The following RAD51B variants were observed in gnomAD, a reference collection of about 807,000 sequenced individuals.
The protein encoded by RAD51B is RAD51 paralog B.
RAD51B carries 38 observed loss-of-function variants against 42.2 expected under a neutral mutation model. The observed-to-expected ratio is 0.90, with a 90% CI of 0.70 to 1.18. The LOEUF is 1.18. Among genes scored for constraint, RAD51B ranks in the 50% most tolerant of loss-of-function variants. RAD51B has a pLI of 0.00. For synonymous variants in RAD51B, 154 were observed against 145.2 expected (o/e 1.06, Z -0.43); for missense variants, 373 against 400.7 (o/e 0.93, Z 0.59).
intron 7 of RAD51B, among the ~76,000 whole-genome samples, chr14:68,244,370 A>G (rs565941727): frequency 6.6e-6 from 1 of 152,338 alleles, no homozygotes; most frequent in South Asian, 2.1e-4. Flanking sequence ...GCATTGGCAG[A>G]CAAACAAAAG....
intron 7 of RAD51B, among the ~76,000 whole-genome samples, chr14:67,995,063 G>A (rs2075357990): frequency 1.3e-5 from 2 of 152,108 alleles, no homozygotes; most frequent in African/African-American, 4.8e-5. Context: ...AGACTGCTTA[G>A]CAGATTAAGG....
At chr14:68,206,181 T>C (rs1044627575) in intron 7 of RAD51B, among the ~76,000 whole-genome samples, 2 of 152,212 alleles carry the variant, frequency 1.3e-5, no homozygotes, top group Non-Finnish European at 2.9e-5. Context: ...TAGAATCAGG[T>C]TATGCCTTGT....
Position 68,166,051 on chromosome 14 carries a change from GA to G in RAD51B, c.757-125829del, listed in dbSNP as rs559855822. Among the ~76,000 whole-genome samples, 15 of 152,012 alleles carry G rather than the reference GA, an allele frequency of 9.9e-5. No individual in the cohort carries two copies. In the South Asian group the frequency reaches 3.1e-3, roughly 32 times the overall value. ...GTGGTAACCTACCAATGATTGTTATGAAAATGATGGTGATGATAGTATAGGG... is the reference window on the plus strand; with the variant it reads ...GTGGTAACCTACCAATGATTGTTATGAAATGATGGTGATGATAGTATAGGG... On this transcript the variant is annotated intron_variant, in intron 7 of 10. Coordinates refer to ENST00000471583, the MANE Select transcript of RAD51B (RefSeq NM_133510.4).
At chr14:68,388,798 C>T (rs1307246542) in intron 8 of RAD51B, among the ~76,000 whole-genome samples, 1 of 152,176 alleles carries the variant, frequency 6.6e-6, no homozygotes, top group Non-Finnish European at 1.5e-5. Flanking sequence ...CACCTCCCAG[C>T]GTGGCTGCAT....
At chr14:68,157,306 A>G (rs1309668644) in intron 7 of RAD51B, among the ~76,000 whole-genome samples, 1 of 152,254 alleles carries the variant, frequency 6.6e-6, no homozygotes, top group African/African-American at 2.4e-5. Context: ...AGTTCACTTA[A>G]TACAAGGGCT....
chr14:68,347,837 G>GA (rs2082705332), intron 8 of RAD51B, among the ~76,000 whole-genome samples: 1 of 152,234 alleles, frequency 6.6e-6, no homozygotes, highest in African/African-American at 2.4e-5. Flanking sequence ...ATCCAAGGCA[G>GA]AATATATCTG....
intron 7 of RAD51B, among the ~76,000 whole-genome samples, chr14:67,970,953 C>A (rs532267392): frequency 1.3e-5 from 2 of 152,172 alleles, no homozygotes; most frequent in African/African-American, 4.8e-5. Context: ...AGTTGATTGC[C>A]TCAAGTTCAG....
At chr14:68,281,097 G>T (rs1037147013) in intron 7 of RAD51B, among the ~76,000 whole-genome samples, 2 of 151,812 alleles carry the variant, frequency 1.3e-5, no homozygotes, top group African/African-American at 4.8e-5. Context: ...AAGAAGTAAA[G>T]TATGAGTATT....
At chr14:68,682,912 T>C in intron 11 of RAD51B, 2 of 225,796 alleles carry the variant, frequency 8.9e-6, no homozygotes, top group Non-Finnish European at 1.0e-5. Context: ...GCTTATGGCT[T>C]TTTTTTTTTT....
intron 5 of RAD51B, among the ~76,000 whole-genome samples, chr14:67,878,857 G>A (rs547611923): frequency 3.9e-5 from 6 of 152,044 alleles, no homozygotes; most frequent in East Asian, 3.9e-4. Context: ...CCACCAGTGC[G>A]CCTGCCACCA....
intron 11 of RAD51B, among the ~76,000 whole-genome samples, chr14:68,675,363 C>T (rs12887682): frequency 0.14 from 21,768 of 152,102 alleles, 1,872 homozygotes; most frequent in Non-Finnish European, 0.19. Flanking sequence ...TTAGGAATGA[C>T]AGAGGGAAGT....
rs761684336 is a variant in RAD51B, at chr14:67,823,625, C to G, written c.82C>G (p.Gln28Glu). 4.4e-6 allele frequency: 7 copies of G among 1,609,138 alleles called. No homozygotes were observed. Among genetic ancestry groups the G allele is most frequent in the Middle Eastern group, 1.7e-4 (1 of 6,048 alleles). Residue 28 changes from glutamine (Q) to glutamate (E), a missense_variant and splice_region_variant, in exon 2 of 11, where the codon CAG becomes GAG. Transcript: ENST00000471583. ...RLSRHQILTC[Q>E]DFLCLSPLEL... The stretch of plus-strand genomic sequence containing the variant: ...GAGTAGACATCAGATCCTTACCTGT[C>G]AGGTAAATTTTATTTAACATTTTTA...
At chr14:68,668,140 C>A (rs960913242) in intron 11 of RAD51B, among the ~76,000 whole-genome samples, 1 of 152,320 alleles carries the variant, frequency 6.6e-6, no homozygotes, top group South Asian at 2.1e-4. Context: ...TTTTTCTTCT[C>A]CCCAGTTACC....
intron 10 of RAD51B, among the ~76,000 whole-genome samples, chr14:68,606,697 C>A (rs1381792589): frequency 6.6e-6 from 1 of 152,130 alleles, no homozygotes; most frequent in Non-Finnish European, 1.5e-5. Flanking sequence ...TGGAAGGAAT[C>A]GCATCTTAGA....
At chr14:68,392,788 T>A (rs1349229958) in intron 8 of RAD51B, among the ~76,000 whole-genome samples, 1 of 152,174 alleles carries the variant, frequency 6.6e-6, no homozygotes, top group Non-Finnish European at 1.5e-5. Context: ...GCTGTTTGAG[T>A]GGGGCCTCCC....
At chr14:68,380,023 G>T (rs1306550686) in intron 8 of RAD51B, among the ~76,000 whole-genome samples, 2 of 152,194 alleles carry the variant, frequency 1.3e-5, no homozygotes, top group Non-Finnish European at 2.9e-5. Flanking sequence ...TGGAAAAAAT[G>T]ATTCCACTTC....
chr14:68,175,413 A>G (rs2078945042), intron 7 of RAD51B, among the ~76,000 whole-genome samples: 1 of 152,186 alleles, frequency 6.6e-6, no homozygotes, highest in African/African-American at 2.4e-5. Context: ...GGCTAGGTGC[A>G]CTTGTCCATG....
chr14:68,151,697 A>G (rs777135564), intron 7 of RAD51B, among the ~76,000 whole-genome samples: 3 of 151,884 alleles, frequency 2.0e-5, no homozygotes, highest in Non-Finnish European at 4.4e-5. Context: ...GCAATGTTTA[A>G]TCTACCATTA....
intron 7 of RAD51B, among the ~76,000 whole-genome samples, chr14:68,025,836 C>T (rs1809848230): frequency 1.3e-5 from 2 of 151,822 alleles, no homozygotes; most frequent in African/African-American, 4.8e-5. Flanking sequence ...ATTGATCTTT[C>T]GTATGGATTT....
Sources: allele counts gnomAD v4.1 joint callset (sites outside exome capture counted in the v4.1 genomes callset), GRCh38; gene constraint gnomAD v4.1.1; transcripts MANE v1.5; gene names NCBI Gene and HGNC (gene_info 2026-07-23, HGNC 2026-07-21).